Variants in APBB2 observed in about 807,000 individuals in gnomAD.
The protein encoded by APBB2 is amyloid beta precursor protein binding family B member 2, also known as Fe65-like 1.
In APBB2, 38 loss-of-function variants were observed where a neutral mutation model predicts 82.5. The ratio of observed to expected loss-of-function variants is 0.46; its 90% CI spans 0.36 to 0.60. APBB2 has a LOEUF of 0.60. Ranked by LOEUF, APBB2 falls within the 20% of genes least tolerant of loss-of-function variation. The pLI, the probability that APBB2 is intolerant of heterozygous loss-of-function variation, is 0.00. For missense variants in APBB2, 772 were observed against 972.3 expected (o/e 0.79, Z 2.74); for synonymous variants, 341 against 368.2 (o/e 0.93, Z 0.85).
intron 6 of APBB2, among the ~76,000 whole-genome samples, chr4:40,955,154 C>T (rs183463801): frequency 6.6e-6 from 1 of 152,050 alleles, no homozygotes; most frequent in Non-Finnish European, 1.5e-5. Context: ...ATAGGGTGGG[C>T]TATTTAAGAG....
chr4:41,087,765 A>AGGT (rs1740293121), intron 3 of APBB2, among the ~76,000 whole-genome samples: 1 of 152,138 alleles, frequency 6.6e-6, no homozygotes, highest in South Asian at 2.1e-4. Flanking sequence ...TATCATCACT[A>AGGT]ATATTCAGGC....
At chr4:41,101,874 G>A (rs1234857193) in intron 2 of APBB2, among the ~76,000 whole-genome samples, 3 of 151,674 alleles carry the variant, frequency 2.0e-5, no homozygotes, top group East Asian at 1.9e-4. Context: ...CAGGAGAATC[G>A]CTTGAACCCG....
chr4:40,825,988 AAC>A lies in APBB2; in HGVS notation c.1733-20_1733-19del. Reference sequence around the variant, plus strand: ...AAAATCTACTACAGGGAACAAAAGCAACACATCTTTCTCAGTGGTTCCAACAC... The same window carrying A: ...AAAATCTACTACAGGGAACAAAAGCAACATCTTTCTCAGTGGTTCCAACAC... On this transcript the variant is annotated intron_variant, in intron 14 of 17. Coordinates refer to ENST00000508593, the MANE Select transcript of APBB2 (RefSeq NM_004307.2). 1 of 1,602,630 alleles carries A rather than the reference AAC, an allele frequency of 6.2e-7. No individual in the cohort carries two copies. Among genetic ancestry groups the A allele is most frequent in the East Asian group, 2.2e-5 (1 of 44,816 alleles).
intron 1 of APBB2, among the ~76,000 whole-genome samples, chr4:41,167,542 T>G (rs1766993962): frequency 6.6e-6 from 1 of 152,184 alleles, no homozygotes; most frequent in Non-Finnish European, 1.5e-5. Context: ...TTTTTTTATT[T>G]TATCACAGAC....
intron 3 of APBB2, among the ~76,000 whole-genome samples, chr4:41,070,152 AT>A (rs1222711888): frequency 1.3e-5 from 2 of 152,178 alleles, no homozygotes; most frequent in African/African-American, 4.8e-5. Context: ...TAGTCATGAG[AT>A]AACCAAGTCT....
chr4:40,905,927 G>A (rs1379832232), intron 10 of APBB2, among the ~76,000 whole-genome samples: 3 of 152,232 alleles, frequency 2.0e-5, no homozygotes, highest in Non-Finnish European at 2.9e-5. Context: ...GTGGGGAAGC[G>A]AGAATGAGTT....
chr4:40,868,687 A>T (rs2154339133), intron 12 of APBB2, among the ~76,000 whole-genome samples: 1 of 152,336 alleles, frequency 6.6e-6, no homozygotes, highest in East Asian at 1.9e-4. Context: ...GTAATTCCAA[A>T]CTCTGAATCA....
intron 10 of APBB2, 84 bp from the exon 11 acceptor site, chr4:40,893,495 A>C: frequency 7.5e-7 from 1 of 1,339,100 alleles, no homozygotes; most frequent in Non-Finnish European, 1.0e-6. Flanking sequence ...CCCGCAACTA[A>C]AAGGTACTAC....
At chr4:40,922,974 T>C (rs1028193355) in intron 10 of APBB2, among the ~76,000 whole-genome samples, 1 of 115,168 alleles carries the variant, frequency 8.7e-6, no homozygotes, top group Non-Finnish European at 1.9e-5. Flanking sequence ...TCCATCAATT[T>C]TTTTCTTTTT....
At chr4:40,957,628 G>C (rs1468223627) in intron 6 of APBB2, among the ~76,000 whole-genome samples, 1 of 150,402 alleles carries the variant, frequency 6.6e-6, no homozygotes, top group Non-Finnish European at 1.5e-5. Flanking sequence ...TTGTTGCCCC[G>C]GCTGGAGTGC....
At chr4:41,098,942 C>T (rs1483651098) in intron 3 of APBB2, among the ~76,000 whole-genome samples, 2 of 152,164 alleles carry the variant, frequency 1.3e-5, no homozygotes, top group Non-Finnish European at 2.9e-5. Flanking sequence ...ACAACTACAA[C>T]ACACAATTAC....
rs1334822712 is a variant in APBB2 at position 41,137,759 on chromosome 4, CT to C, written c.-261+5227del. ...AAAAAAAGTCAAGTCACTGGTTAGC[CT>C]TTTCTGCAAATGGTGCTAAGACCTA... On this transcript the variant is annotated intron_variant, in intron 2 of 17. Transcript: ENST00000508593. Among the ~76,000 whole-genome samples the C allele has an allele frequency of 2.0e-5, 3 of 152,050 alleles. No individual in the cohort carries two copies. The East Asian group carries it at 5.8e-4, about 29-fold the overall frequency.
chr4:40,992,619 A>T (rs903333905), intron 6 of APBB2, among the ~76,000 whole-genome samples: 1 of 152,168 alleles, frequency 6.6e-6, no homozygotes, highest in Non-Finnish European at 1.5e-5. Context: ...CACTTGGAAA[A>T]TTGTTCAATG....
chr4:41,154,588 C>G (rs575477857), intron 1 of APBB2, among the ~76,000 whole-genome samples: 26 of 137,428 alleles, frequency 1.9e-4, no homozygotes, highest in African/African-American at 5.7e-4. Context: ...ATTCCTGTCT[C>G]CCTGAAATGT....
chr4:40,822,904 T>C (rs1748503890), intron 16 of APBB2, among the ~76,000 whole-genome samples: 1 of 152,084 alleles, frequency 6.6e-6, no homozygotes, highest in Non-Finnish European at 1.5e-5. Context: ...CTTGCGATGA[T>C]GCTGGTGTGG....
chr4:40,867,521 T>A (rs1157487303), intron 12 of APBB2, among the ~76,000 whole-genome samples: 4 of 152,236 alleles, frequency 2.6e-5, no homozygotes, highest in Admixed American at 6.5e-5. Context: ...TGTCTCATTC[T>A]CCAAATTGTC....
At chr4:40,846,605 G>C (rs1757737913) in intron 12 of APBB2, among the ~76,000 whole-genome samples, 1 of 152,190 alleles carries the variant, frequency 6.6e-6, no homozygotes, top group South Asian at 2.1e-4. Context: ...CTGACCAAGT[G>C]TGCCTTCCTT....
chr4:41,182,698 A>C (rs562630829), intron 1 of APBB2, among the ~76,000 whole-genome samples: 19 of 152,316 alleles, frequency 1.2e-4, no homozygotes, highest in African/African-American at 4.3e-4. Context: ...GAAACTTACA[A>C]TCATGGCAGA....
intron 3 of APBB2, among the ~76,000 whole-genome samples, chr4:41,079,295 C>A (rs768841998): frequency 6.6e-6 from 1 of 152,178 alleles, no homozygotes; most frequent in African/African-American, 2.4e-5. Flanking sequence ...TAAATTATTT[C>A]TTTGCTTAAA....
Sources: gnomAD v4.1 joint callset for allele counts (sites outside exome capture counted in the v4.1 genomes callset) on GRCh38, gnomAD v4.1.1 for gene constraint, MANE v1.5 for transcripts, NCBI Gene and HGNC (gene_info 2026-07-23, HGNC 2026-07-21) for gene names.